The following FMN1 variants were observed in gnomAD, a reference collection of about 807,000 sequenced individuals.
FMN1 encodes formin 1.
A neutral mutation model predicts 132.4 loss-of-function variants in FMN1; 110 were observed. That is an observed-to-expected ratio of 0.83 (90% CI 0.71 to 0.97). FMN1 has a LOEUF of 0.97. FMN1 is among the 50% of genes least tolerant of loss of function. FMN1 has a pLI of 0.00. For synonymous variants in FMN1, 722 were observed against 651.7 expected (o/e 1.11, Z -1.64); for missense variants, 1,792 against 1,705.3 (o/e 1.05, Z -0.90).
chr15:33,090,456 G>A (rs345800), intron 4 of FMN1, among the ~76,000 whole-genome samples: 107,496 of 152,026 alleles, frequency 0.71, 38,546 homozygotes, highest in East Asian at 0.85. Flanking sequence ...TCACACTTCA[G>A]AATGATGCAG....
At position 33,163,792 on chromosome 15, in the gene FMN1, A is replaced by AT. The variant is rs1964992785; in HGVS notation, c.-131-8748dup. 3.3e-5 allele frequency among the ~76,000 whole-genome samples: 5 copies of AT among 151,160 alleles called. No individual in the cohort carries two copies. The South Asian group carries it at 1.0e-3, about 32-fold the overall frequency. ...GCCATCATGCTCAACAAATTTTTGT[A>AT]TTTTTGGTAGAGATGGGGTTTCCTC... On this transcript the variant is annotated intron_variant, in intron 3 of 20. Transcript: ENST00000616417.
At chr15:32,813,926 AG>A (rs2057972280) in intron 17 of FMN1, among the ~76,000 whole-genome samples, 1 of 152,250 alleles carries the variant, frequency 6.6e-6, no homozygotes, top group Non-Finnish European at 1.5e-5. Flanking sequence ...ATTTTTCTCC[AG>A]GATTCCCAAA....
chr15:32,908,342 T>A, intron 12 of FMN1, 148 bp downstream of exon 12: 1 of 590,330 alleles, frequency 1.7e-6, no homozygotes, highest in Non-Finnish European at 3.0e-6. Flanking sequence ...AGCAGGGTCA[T>A]CCTGCTGCAT....
intron 7 of FMN1, among the ~76,000 whole-genome samples, chr15:32,988,200 A>T (rs1043019637): frequency 5.3e-5 from 8 of 152,010 alleles, no homozygotes; most frequent in Non-Finnish European, 1.0e-4. Context: ...AATCAGAAAA[A>T]AATCATCTGA....
chr15:33,013,055 G>A (rs1323064822), intron 6 of FMN1: 1 of 402,136 alleles, frequency 2.5e-6, no homozygotes, highest in East Asian at 6.9e-5. Context: ...TATGGCACTG[G>A]CAGAAGATTT....
chr15:33,027,848 A>T (rs569629056), intron 6 of FMN1, among the ~76,000 whole-genome samples: 26 of 152,356 alleles, frequency 1.7e-4, no homozygotes, highest in African/African-American at 6.3e-4. Flanking sequence ...GAAGAAAAGC[A>T]CACACTGATT....
chr15:33,161,862 G>A (rs143264148), intron 3 of FMN1, among the ~76,000 whole-genome samples: 1 of 151,536 alleles, frequency 6.6e-6, no homozygotes, highest in Non-Finnish European at 1.5e-5. Flanking sequence ...AGCTTGCAAT[G>A]AGACGAGATC....
At chr15:33,033,668 GGTTTT>G (rs2036053090) in intron 6 of FMN1, among the ~76,000 whole-genome samples, 1 of 18,874 alleles carries the variant, frequency 5.3e-5, no homozygotes. Flanking sequence ...GCTACCTCAT[GGTTTT>G]TTTTTTTTGT....
intron 4 of FMN1, among the ~76,000 whole-genome samples, chr15:33,113,466 G>T (rs2039792603): frequency 6.6e-6 from 1 of 151,958 alleles, no homozygotes; most frequent in Admixed American, 6.6e-5. Flanking sequence ...ACATAGATGT[G>T]AACATAGGGT....
chr15:33,157,695 T>C (rs1964728172), intron 3 of FMN1, among the ~76,000 whole-genome samples: 1 of 152,084 alleles, frequency 6.6e-6, no homozygotes, highest in South Asian at 2.1e-4. Flanking sequence ...ATCTTGCTAT[T>C]TTAACGCTCA....
intron 16 of FMN1, 54 bp from the exon 17 acceptor site, chr15:32,857,161 G>T: frequency 7.5e-7 from 1 of 1,341,482 alleles, no homozygotes; most frequent in Non-Finnish European, 1.1e-6. Flanking sequence ...CTGAGCTCCT[G>T]CTATGGGCCA....
At chr15:33,165,392 T>C (rs1236914199) in intron 3 of FMN1, among the ~76,000 whole-genome samples, 1 of 152,154 alleles carries the variant, frequency 6.6e-6, no homozygotes, top group Non-Finnish European at 1.5e-5. Flanking sequence ...TTAAGTAGGT[T>C]TTTCTTTCTT....
intron 16 of FMN1, among the ~76,000 whole-genome samples, chr15:32,868,639 A>G (rs116110325): frequency 0.013 from 2,014 of 152,290 alleles, 29 homozygotes; most frequent in African/African-American, 0.046. Flanking sequence ...CTTCATTTGT[A>G]TAATACATGT....
At chr15:32,881,242 T>G (rs971792693) in intron 16 of FMN1, among the ~76,000 whole-genome samples, 1 of 152,220 alleles carries the variant, frequency 6.6e-6, no homozygotes, top group Non-Finnish European at 1.5e-5. Context: ...ATGTATGACT[T>G]TCTGCATGTT....
chr15:32,969,092 G>A lies in FMN1; in HGVS notation c.2609C>T (p.Pro870Leu), dbSNP rs61740943. Residue 870 changes from proline (P) to leucine (L), a missense_variant, in exon 8 of 21, where the codon CCG becomes CTG. By Grantham distance (98) the Pro-to-Leu change is moderately conservative (BLOSUM62 -3). This residue lies in a region of FMN1 where 1,150 missense variants were observed against 1,043.1 expected (regional missense o/e 1.10). Transcript: ENST00000616417. ...AGGGGGAGGGATGGATGCGGGAGGC[G>A]GAGGCAATGCCTTCTGCTGATTTGA... is the stretch of plus-strand genomic sequence containing the variant. ...MASNQQKALPPPPASIPPPPP... is the reference protein window; with the variant it reads ...MASNQQKALPLPPASIPPPPP... 107 of 1,608,250 alleles carry A rather than the reference G, an allele frequency of 6.7e-5. 1 individual carries two copies. The highest frequency in any genetic ancestry group is 3.3e-4 in the African/African-American group (25 of 74,860).
chr15:32,961,069 C>T (rs2030475851), intron 9 of FMN1, among the ~76,000 whole-genome samples: 1 of 149,402 alleles, frequency 6.7e-6, no homozygotes, highest in Admixed American at 6.7e-5. Flanking sequence ...AAAACACTGC[C>T]TCAAACCTGC....
At chr15:33,013,564 C>T (rs577155591) in intron 6 of FMN1, among the ~76,000 whole-genome samples, 2 of 152,104 alleles carry the variant, frequency 1.3e-5, no homozygotes, top group Middle Eastern at 3.4e-3. Context: ...ATATTTTTTA[C>T]GAAATTATCT....
At chr15:32,934,436 C>T (rs573887153) in intron 9 of FMN1, among the ~76,000 whole-genome samples, 130 of 152,144 alleles carry the variant, frequency 8.5e-4, no homozygotes, top group African/African-American at 3.0e-3. Flanking sequence ...ACAAGCTTTG[C>T]GCTTTCATAT....
intron 6 of FMN1, among the ~76,000 whole-genome samples, chr15:33,010,792 A>ATAACACT (rs1359795207): frequency 6.6e-6 from 1 of 152,134 alleles, no homozygotes; most frequent in Admixed American, 6.5e-5. Flanking sequence ...AAAGAAAAGC[A>ATAACACT]TAACACTTAC....
Sources: gnomAD v4.1 joint callset for allele counts (sites outside exome capture counted in the v4.1 genomes callset) on GRCh38, gnomAD v4.1.1 for gene constraint, gnomAD v4.1.1 regional missense constraint, MANE v1.5 for transcripts, NCBI Gene and HGNC (gene_info 2026-07-23, HGNC 2026-07-21) for gene names.